CACNA1B: variants seen among roughly 807,000 people sequenced by gnomAD.
CACNA1B encodes calcium voltage-gated channel subunit alpha1 B, also known as voltage-dependent N-type calcium channel subunit alpha-1B.
CACNA1B carries 70 observed loss-of-function variants against 247.2 expected under a neutral mutation model. That is an observed-to-expected ratio of 0.28 (90% confidence interval 0.23 to 0.35). The LOEUF is 0.35. Among genes scored for constraint, CACNA1B ranks in the 10% least tolerant of loss-of-function variants. The pLI, the probability that CACNA1B is intolerant of heterozygous loss-of-function variation, is 1.00. For synonymous variants in CACNA1B, 1,231 were observed against 1,294.4 expected (o/e 0.95, Z 1.05); for missense variants, 2,367 against 3,197.4 (o/e 0.74, Z 6.26).
In CACNA1B at chr9:137,882,123, T is replaced by A. The variant is rs1246453683; in HGVS notation, c.391-621T>A. Among the ~76,000 whole-genome samples, 2 of 152,142 alleles carry A rather than the reference T, an allele frequency of 1.3e-5. No individual in the cohort carries two copies. Among genetic ancestry groups the A allele is most frequent in the Non-Finnish European group, 2.9e-5 (2 of 68,026 alleles). On this transcript the variant is annotated intron_variant, in intron 2 of 46. Transcript: ENST00000371372. The surrounding 1 kb of genome is among the most constrained non-coding windows in gnomAD (Gnocchi z 4.0). Reference sequence around the variant, plus strand: ...CTGTTGTTTTCTGCCGAGATGTGCATGTTCTGGTTACCCGGGTGCATGTTG... The same window carrying A: ...CTGTTGTTTTCTGCCGAGATGTGCAAGTTCTGGTTACCCGGGTGCATGTTG...
At chr9:137,918,213 G>C (rs577910485) in intron 6 of CACNA1B, among the ~76,000 whole-genome samples, 8 of 152,044 alleles carry the variant, frequency 5.3e-5, no homozygotes, top group South Asian at 4.2e-4. Context: ...TAAGGCTTGG[G>C]GGGGGTGCCT....
intron 3 of CACNA1B, among the ~76,000 whole-genome samples, chr9:137,901,703 T>C (rs1189964271): frequency 6.7e-6 from 1 of 149,810 alleles, no homozygotes. Context: ...TTTTTTTTTT[T>C]TTTTGAGACT....
Position 138,014,948 on chromosome 9 carries a change from T to TA in CACNA1B, c.2267+1714dup, listed in dbSNP as rs1252477650. On this transcript the variant is annotated intron_variant, in intron 18 of 46. Transcript: ENST00000371372. This position sits in a 1 kb window ranked among gnomAD's most constrained non-coding sequence, Gnocchi z 6.2. ...CCCTGTCCTGGTTTGGAGACACTGCTATGCAGGAACAAGGCAGTAGACTGG... is the reference window on the plus strand; with the variant it reads ...CCCTGTCCTGGTTTGGAGACACTGCTAATGCAGGAACAAGGCAGTAGACTGG... 6.6e-6 allele frequency among the ~76,000 whole-genome samples: 1 copy of TA among 152,128 alleles called. No individual in the cohort carries two copies. The highest frequency in any genetic ancestry group is 1.5e-5 in the Non-Finnish European group (1 of 67,996).
At chr9:137,923,319 G>A (rs1957510775) in intron 6 of CACNA1B, among the ~76,000 whole-genome samples, 2 of 151,286 alleles carry the variant, frequency 1.3e-5, no homozygotes, top group South Asian at 4.2e-4. Context: ...AGTATTCCGT[G>A]GCTCCAGGTG....
chr9:138,093,562 G>A (rs2131338819), intron 36 of CACNA1B, among the ~76,000 whole-genome samples: 1 of 151,966 alleles, frequency 6.6e-6, no homozygotes, highest in East Asian at 1.9e-4. Flanking sequence ...CCAACATGGT[G>A]AAATTCTGGC....
intron 35 of CACNA1B, among the ~76,000 whole-genome samples, chr9:138,077,315 C>T (rs953834830): frequency 7.2e-5 from 11 of 152,220 alleles, no homozygotes; most frequent in African/African-American, 2.2e-4. Context: ...GAACAGACTC[C>T]GTGCAGGAGC....
chr9:138,002,216 T>A (rs1405640760), intron 15 of CACNA1B, among the ~76,000 whole-genome samples: 2 of 152,066 alleles, frequency 1.3e-5, no homozygotes, highest in African/African-American at 4.8e-5. Context: ...TCCAAACATA[T>A]ATAGAAAGTT....
intron 31 of CACNA1B, among the ~76,000 whole-genome samples, chr9:138,062,549 T>C (rs1959764826): frequency 6.6e-6 from 1 of 152,196 alleles, no homozygotes; most frequent in Non-Finnish European, 1.5e-5. Context: ...GGGGAGATGC[T>C]TTGGTGTCAT....
rs1038339184 is a variant in CACNA1B at position 138,011,665 on chromosome 9, C to T, written c.2161-1464C>T. Among the ~76,000 whole-genome samples the T allele has an allele frequency of 1.3e-5, 2 of 152,208 alleles. No individual in the cohort carries two copies. Among genetic ancestry groups the T allele is most frequent in the African/African-American group, 4.8e-5 (2 of 41,452 alleles). On this transcript the variant is annotated intron_variant, in intron 17 of 46. Transcript: ENST00000371372. This position sits in a 1 kb window ranked among gnomAD's most constrained non-coding sequence, Gnocchi z 4.2. The stretch of plus-strand genomic sequence containing the variant: ...GCCCCAGAGGGTGGGAAGCTGGATG[C>T]AGCCGGATCTGCGAGGAGGGACCTG...
rs201160164 is a variant in CACNA1B at position 138,118,660 on chromosome 9, C to T, written c.5922C>T (p.Asp1974=). 258 of 1,518,414 alleles carry T rather than the reference C, an allele frequency of 1.7e-4. No individual in the cohort carries two copies. Among genetic ancestry groups the T allele is most frequent in the Admixed American group, 2.1e-4 (11 of 52,036 alleles). 94.1% of individuals were successfully genotyped at this position (1,518,414 alleles called of 1,614,324 possible). Residue 1974 remains aspartate (D), a synonymous_variant, in exon 44 of 47, where the codon GAC becomes GAT. Coordinates refer to ENST00000371372, the MANE Select transcript of CACNA1B (RefSeq NM_000718.4). ...PVGRSGALAV[D]VQMQSITRRG... ...GAGTGCTGTATCCACAGGCTGTGGACGTTCAGATGCAGAGCATAACCCGGA... is the reference window on the plus strand; with the variant it reads ...GAGTGCTGTATCCACAGGCTGTGGATGTTCAGATGCAGAGCATAACCCGGA...
At chr9:137,932,745 G>A (rs1462888067) in intron 6 of CACNA1B, among the ~76,000 whole-genome samples, 2 of 152,116 alleles carry the variant, frequency 1.3e-5, no homozygotes, top group Non-Finnish European at 2.9e-5. Flanking sequence ...GGCCTGCCTC[G>A]ACCATACTTA....
At position 137,956,809 on chromosome 9, in the gene CACNA1B, G is replaced by A. The variant is rs773679879; in HGVS notation, c.1225G>A (p.Glu409Lys). The change falls in exon 9 of 47, where the codon GAG becomes AAG. Residue 409 changes from glutamate (E) to lysine (K), a missense_variant. By Grantham distance (56) the Glu-to-Lys change is moderately conservative (BLOSUM62 1). Around this residue, in one of 12 missense-constraint regions of CACNA1B, gnomAD observed 219 missense variants for 297.6 expected, o/e 0.74. Coordinates refer to ENST00000371372, the MANE Select transcript of CACNA1B (RefSeq NM_000718.4). The part of the protein sequence containing the change: ...MLAEEDRNAE[E>K]KSPLDVLKRA... The stretch of plus-strand genomic sequence containing the variant: ...GGCCGAGGAGGACAGGAATGCAGAG[G>A]AGAAGTCCCCTTTGGACGGTAGGTG... 6.2e-7 allele frequency: 1 copy of A among 1,613,816 alleles called. No homozygotes were observed. Among genetic ancestry groups the A allele is most frequent in the East Asian group, 2.2e-5 (1 of 44,876 alleles).
At chr9:137,993,276 A>AT (rs1005728643) in intron 15 of CACNA1B, among the ~76,000 whole-genome samples, 1 of 152,144 alleles carries the variant, frequency 6.6e-6, no homozygotes, top group South Asian at 2.1e-4. Flanking sequence ...AAAAAGATAA[A>AT]TTTTTTTAGT....
At chr9:138,041,075 C>A (rs1056076748) in intron 20 of CACNA1B, among the ~76,000 whole-genome samples, 1 of 152,178 alleles carries the variant, frequency 6.6e-6, no homozygotes, top group African/African-American at 2.4e-5. Context: ...CAAATTCCCC[C>A]TAACCTGTGG....
rs1326362982 is a variant in CACNA1B at position 137,990,258 on chromosome 9, G to A, written c.1974+3404G>A. ...TCCTCCTGGGAACATAACTCCATTG[G>A]ACTGAGAACCACACACCCATCCCCC... On this transcript the variant is annotated intron_variant, in intron 15 of 46. Coordinates refer to ENST00000371372, the MANE Select transcript of CACNA1B (RefSeq NM_000718.4). This position sits in a 1 kb window ranked among gnomAD's most constrained non-coding sequence, Gnocchi z 4.5. 6.6e-6 allele frequency among the ~76,000 whole-genome samples: 1 copy of A among 151,994 alleles called. No homozygotes were observed. The highest frequency in any genetic ancestry group is 1.9e-4 in the East Asian group (1 of 5,180).
intron 36 of CACNA1B, among the ~76,000 whole-genome samples, chr9:138,082,549 A>G (rs938369740): frequency 6.6e-6 from 1 of 151,388 alleles, no homozygotes; most frequent in Non-Finnish European, 1.5e-5. Context: ...GCGTGATAAT[A>G]GGTTACAAAG....
intron 36 of CACNA1B, among the ~76,000 whole-genome samples, chr9:138,089,266 A>C (rs936645759): frequency 1.3e-5 from 2 of 152,186 alleles, no homozygotes; most frequent in African/African-American, 4.8e-5. Flanking sequence ...CAAGAAAAAT[A>C]GTATTTTGTA....
rs150764589 is a variant in CACNA1B, at chr9:138,040,162, C to T, written c.3287-3612C>T. 1.8e-3 allele frequency among the ~76,000 whole-genome samples: 274 copies of T among 152,234 alleles called. 1 individual carries two copies. Among genetic ancestry groups the T allele is most frequent in the African/African-American group, 6.0e-3 (251 of 41,546 alleles). On this transcript the variant is annotated intron_variant, in intron 20 of 46. Transcript: ENST00000371372. ...CCATGTTGCCCAGGCTGGTCTTGAA[C>T]TCCTGGGCTCAAGTGATCCACCTGC...
At chr9:138,117,862 C>T in intron 42 of CACNA1B, 84 bp from the exon 43 acceptor site, 1 of 1,109,800 alleles carries the variant, frequency 9.0e-7, no homozygotes, top group Non-Finnish European at 1.3e-6. Flanking sequence ...GTTGGAGACG[C>T]CTGGCAGGTT....
Sources: allele counts gnomAD v4.1 joint callset (sites outside exome capture counted in the v4.1 genomes callset), GRCh38; gene constraint gnomAD v4.1.1; regional missense constraint gnomAD v4.1.1; non-coding constraint Gnocchi (gnomAD v3.1); transcripts MANE v1.5; gene names NCBI Gene and HGNC (gene_info 2026-07-23, HGNC 2026-07-21).